The following ARFGEF2 variants were observed in gnomAD, a reference collection of about 807,000 sequenced individuals.
ARFGEF2 encodes the protein ARF guanine nucleotide exchange factor 2.
In ARFGEF2, 74 loss-of-function variants were observed where a neutral mutation model predicts 219.9. The observed-to-expected ratio is 0.34, with a 90% CI of 0.28 to 0.41. The LOEUF is 0.41. Ranked by LOEUF, ARFGEF2 falls within the 10% of genes least tolerant of loss-of-function variation. ARFGEF2 has a pLI of 1.00. For synonymous variants in ARFGEF2, 733 were observed against 799.2 expected, an observed-to-expected ratio of 0.92 and a Z score of 1.40; for missense variants, 1,743 against 2,218.3, an observed-to-expected ratio of 0.79 and a Z score of 4.30.
intron 26 of ARFGEF2, among the ~76,000 whole-genome samples, chr20:49,009,422 C>T (rs1328849709): frequency 6.6e-6 from 1 of 151,722 alleles, no homozygotes; most frequent in African/African-American, 2.4e-5. Flanking sequence ...TGCATTCCAG[C>T]CTGGGCAACA....
At chr20:48,996,376 A>G (rs1473770698) in intron 23 of ARFGEF2, among the ~76,000 whole-genome samples, 1 of 151,368 alleles carries the variant, frequency 6.6e-6, no homozygotes, top group Non-Finnish European at 1.5e-5. Context: ...AATGGCGTGA[A>G]CCCAGGAGGC....
chr20:48,935,957 C>T (rs1442606596), intron 1 of ARFGEF2, among the ~76,000 whole-genome samples: 1 of 136,934 alleles, frequency 7.3e-6, no homozygotes, highest in Non-Finnish European at 1.6e-5. Flanking sequence ...GGCTGACCCC[C>T]CTACCTCCCT....
At position 49,018,990 on chromosome 20, in the gene ARFGEF2, C is replaced by T; in HGVS notation, c.4616C>T (p.Pro1539Leu). 1 of 1,613,452 alleles carries T rather than the reference C, an allele frequency of 6.2e-7. No individual in the cohort carries two copies. The highest frequency in any genetic ancestry group is 8.5e-7 in the Non-Finnish European group (1 of 1,179,526). ...ACAGATGACAGCTGGAAGGGTAGAC[C>T]ATACGCAAGTAAGGCCACTTTTTAA... ...NPTDDSWKGR[P>L]YANQKLFASL... The change falls in exon 34 of 39, where the codon CCA (proline) becomes CTA (leucine). Residue 1539 changes from proline to leucine, a missense_variant. Coordinates refer to ENST00000371917, the MANE Select transcript of ARFGEF2 (RefSeq NM_006420.3).
At chr20:49,028,048 A>G (rs2091613379) in intron 36 of ARFGEF2, among the ~76,000 whole-genome samples, 1 of 152,212 alleles carries the variant, frequency 6.6e-6, no homozygotes, top group Non-Finnish European at 1.5e-5. Flanking sequence ...ACTTGAGGTC[A>G]GGAGTTCGAG....
At chr20:49,003,261 C>A (rs1339575655) in intron 25 of ARFGEF2, among the ~76,000 whole-genome samples, 2 of 151,704 alleles carry the variant, frequency 1.3e-5, no homozygotes, top group Non-Finnish European at 2.9e-5. Context: ...AGCCACCACA[C>A]CCAGCCCCAA....
At position 48,974,348 on chromosome 20, in the gene ARFGEF2, G is replaced by A. The variant is rs141135186; in HGVS notation, c.1666-418G>A. On this transcript the variant is annotated intron_variant, in intron 12 of 38. Coordinates refer to ENST00000371917, the MANE Select transcript of ARFGEF2 (RefSeq NM_006420.3). ...GCTGGTCTTGAACTCCTTACCTCAG[G>A]TGGTCCACCCACCTCAGCCTCCCAG... Among the ~76,000 whole-genome samples the A allele has an allele frequency of 7.1e-3, 1,079 of 152,006 alleles. 15 individuals carry two copies. Among genetic ancestry groups the A allele is most frequent in the African/African-American group, 0.025 (1,031 of 41,478 alleles).
intron 1 of ARFGEF2, among the ~76,000 whole-genome samples, chr20:48,935,177 G>A (rs1298061072): frequency 6.6e-6 from 1 of 152,088 alleles, no homozygotes. Flanking sequence ...AATAGTGGAG[G>A]GAAGGTCAGC....
intron 31 of ARFGEF2, 41 bp downstream of exon 31, chr20:49,016,456 C>T: frequency 6.2e-7 from 1 of 1,602,200 alleles, no homozygotes; most frequent in African/African-American, 1.3e-5. Context: ...CTTACATAGT[C>T]TTTAATGAGA....
rs765568489 is a variant in ARFGEF2, at chr20:48,976,141, C to G, written c.1900C>G (p.Pro634Ala). 10 of 1,613,862 alleles carry G rather than the reference C, an allele frequency of 6.2e-6. No individual in the cohort carries two copies. Among genetic ancestry groups the G allele is most frequent in the Non-Finnish European group, 8.5e-6 (10 of 1,180,046 alleles). ...GACCCAGACAACTGTTCAGGATGAC[C>G]CTGAGCAATTTGAGGTCATCAAGCA... ...SGTQTTVQDD[P>A]EQFEVIKQQK... The change falls in exon 14 of 39, where the codon CCT becomes GCT. Residue 634 changes from proline to alanine, a missense_variant. Pro to Ala is a conservative substitution (Grantham distance 27). Transcript: ENST00000371917.
intron 30 of ARFGEF2, 67 bp downstream of exon 30, chr20:49,014,027 C>T (rs1168981424): frequency 1.2e-6 from 2 of 1,601,220 alleles, no homozygotes; most frequent in African/African-American, 1.3e-5. Context: ...CGGTATTTGC[C>T]TCTGGGGGCT....
Position 49,012,062 on chromosome 20 carries a change from A to C in ARFGEF2, c.3896A>C (p.Lys1299Thr). 1.2e-6 allele frequency: 2 copies of C among 1,614,224 alleles called. No homozygotes were observed. Among genetic ancestry groups the C allele is most frequent in the Admixed American group, 3.3e-5 (2 of 60,026 alleles). ...ATTCGGCTCATCCGCTTCTGTGGCA[A>C]ATACGTCTCTGAGAGGCCTCGGGTT... ...EAIRLIRFCG[K>T]YVSERPRVLQ... is the part of the protein sequence containing the mutation. The change falls in exon 28 of 39, where the codon AAA becomes ACA. Residue 1299 changes from lysine to threonine, a missense_variant. By Grantham distance (78) the Lys-to-Thr change is moderately conservative. Around this residue, in one of 5 missense-constraint regions of ARFGEF2, gnomAD observed 578 missense variants for 664.0 expected, o/e 0.87. Coordinates refer to ENST00000371917, the MANE Select transcript of ARFGEF2 (RefSeq NM_006420.3).
chr20:49,012,840 A>G (rs2091508620), intron 28 of ARFGEF2, among the ~76,000 whole-genome samples: 1 of 152,200 alleles, frequency 6.6e-6, no homozygotes. Flanking sequence ...CCCATTGTAC[A>G]GGAGAGTTAC....
intron 34 of ARFGEF2, among the ~76,000 whole-genome samples, chr20:49,020,975 G>A (rs1400712177): frequency 2.6e-5 from 4 of 151,930 alleles, no homozygotes; most frequent in Non-Finnish European, 4.4e-5. Flanking sequence ...TATTATTATC[G>A]TTTCCTTTTT....
Position 48,971,115 on chromosome 20 carries a change from G to T in ARFGEF2, c.1191-5G>T. 1 of 1,613,384 alleles carries T rather than the reference G, an allele frequency of 6.2e-7. No homozygotes were observed. Among genetic ancestry groups the T allele is most frequent in the Non-Finnish European group, 8.5e-7 (1 of 1,179,554 alleles). On this transcript the variant is annotated splice_polypyrimidine_tract_variant and splice_region_variant and intron_variant, in intron 9 of 38. Transcript: ENST00000371917. ...ACTGTTGTGGTTTTTCATTTTCTTT[G>T]CCAGATCCCATGAGCTGCGTTCCAA... is the stretch of plus-strand genomic sequence containing the variant.
intron 1 of ARFGEF2, among the ~76,000 whole-genome samples, chr20:48,932,810 C>T (rs891363940): frequency 2.0e-5 from 3 of 152,146 alleles, no homozygotes; most frequent in Admixed American, 6.5e-5. Context: ...CCAGCCTCAC[C>T]AGGCTGGCTT....
chr20:48,953,532 T>A, intron 5 of ARFGEF2, 24 bp from the exon 6 acceptor site: 1 of 1,603,558 alleles, frequency 6.2e-7, no homozygotes, highest in African/African-American at 1.3e-5. Context: ...CAAAATGCTG[T>A]ATCCCCCTTT....
chr20:48,931,162 C>G (rs6019542), intron 1 of ARFGEF2, among the ~76,000 whole-genome samples: 37,385 of 152,052 alleles, frequency 0.25, 5,267 homozygotes, highest in East Asian at 0.47. Flanking sequence ...TGAACATAGA[C>G]AACTCTTTCC....
chr20:49,003,284 A>G (rs1420012595), intron 25 of ARFGEF2, among the ~76,000 whole-genome samples: 1 of 151,710 alleles, frequency 6.6e-6, no homozygotes, highest in Non-Finnish European at 1.5e-5. Flanking sequence ...TTTCATTATT[A>G]CAAATGATAT....
Position 49,033,227 on chromosome 20 carries a change from C to T in ARFGEF2, c.*28C>T. ...CTGGCTGCCCAGGCCAGTGCTGCAGCTCTGCAGAATGTTCAGCATGCCATT... is the reference window on the plus strand; with the variant it reads ...CTGGCTGCCCAGGCCAGTGCTGCAGTTCTGCAGAATGTTCAGCATGCCATT... On this transcript the variant is annotated 3_prime_UTR_variant, in exon 39 of 39. Transcript: ENST00000371917. 6.2e-7 allele frequency: 1 copy of T among 1,613,402 alleles called. No individual in the cohort carries two copies. The highest frequency in any genetic ancestry group is 8.5e-7 in the Non-Finnish European group (1 of 1,179,454).
Sources: gnomAD v4.1 joint callset for allele counts (sites outside exome capture counted in the v4.1 genomes callset) on GRCh38, gnomAD v4.1.1 for gene constraint, gnomAD v4.1.1 regional missense constraint, MANE v1.5 for transcripts, NCBI Gene and HGNC (gene_info 2026-07-23, HGNC 2026-07-21) for gene names.